The following DNAJC5 variants were observed in gnomAD, a reference collection of about 807,000 sequenced individuals.
DNAJC5 encodes the protein dnaJ homolog subfamily C member 5.
In DNAJC5, 1 loss-of-function variant was observed where a neutral mutation model predicts 23.2. The ratio of observed to expected loss-of-function variants is 0.04; its 90% CI spans 0.02 to 0.20. The LOEUF is 0.20. Among genes scored for constraint, DNAJC5 ranks in the 10% least tolerant of loss-of-function variants. The pLI is 1.00. For synonymous variants in DNAJC5, 136 were observed against 120.0 expected (o/e 1.13, Z -0.87); for missense variants, 180 against 267.0 (o/e 0.67, Z 2.27).
At chr20:63,914,860 CCCT>C (rs2053506088) in intron 1 of DNAJC5, among the ~76,000 whole-genome samples, 1 of 152,160 alleles carries the variant, frequency 6.6e-6, no homozygotes, top group Admixed American at 6.6e-5. Context: ...AGGTGATCTG[CCCT>C]CCTCGGCCTA....
intron 1 of DNAJC5, among the ~76,000 whole-genome samples, chr20:63,924,327 C>G (rs927912045): frequency 1.3e-5 from 2 of 152,118 alleles, no homozygotes; most frequent in Non-Finnish European, 2.9e-5. Context: ...GAATCTTTTT[C>G]TTATCTTTAG....
At chr20:63,924,170 A>G (rs981506388) in intron 1 of DNAJC5, among the ~76,000 whole-genome samples, 1 of 148,706 alleles carries the variant, frequency 6.7e-6, no homozygotes, top group Admixed American at 6.8e-5. Flanking sequence ...TCTGTCTGCT[A>G]CATTTCCTTA....
At chr20:63,895,466 G>C (rs1033537435) in intron 1 of DNAJC5, 143 bp downstream of exon 1, 12 of 147,344 alleles carry the variant, frequency 8.1e-5, no homozygotes, top group African/African-American at 2.9e-4. Context: ...GCGGGCGCTC[G>C]GGGCCGGAGC....
intron 1 of DNAJC5, among the ~76,000 whole-genome samples, chr20:63,922,884 A>G (rs1183340192): frequency 6.6e-6 from 1 of 152,198 alleles, no homozygotes; most frequent in Non-Finnish European, 1.5e-5. Context: ...TCATGCCTGT[A>G]ATCCCCAGCA....
intron 1 of DNAJC5, among the ~76,000 whole-genome samples, chr20:63,906,658 T>C (rs568847995): frequency 6.6e-6 from 1 of 151,192 alleles, no homozygotes; most frequent in Admixed American, 6.6e-5. Context: ...GGTGGGCGCC[T>C]GTATATAGTC....
At chr20:63,904,642 T>C (rs1461237248) in intron 1 of DNAJC5, among the ~76,000 whole-genome samples, 2 of 152,152 alleles carry the variant, frequency 1.3e-5, no homozygotes, top group Non-Finnish European at 2.9e-5. Flanking sequence ...TAGGCAAAGT[T>C]GTGCTAATGC....
Position 63,931,908 on chromosome 20 carries a change from A to C in DNAJC5, c.*340A>C. The C allele has an allele frequency of 2.6e-6, 1 of 385,584 alleles. No homozygotes were observed. Among genetic ancestry groups the C allele is most frequent in the Non-Finnish European group, 5.0e-6 (1 of 200,626 alleles). 23.9% of individuals were successfully genotyped at this position (385,584 alleles called of 1,614,324 possible). A position where few individuals can be genotyped will look rare whatever the true frequency, so the allele number is the denominator to read the frequency against. On this transcript the variant is annotated 3_prime_UTR_variant, in exon 5 of 5. Coordinates refer to ENST00000360864, the MANE Select transcript of DNAJC5 (RefSeq NM_025219.3). This position sits in a 1 kb window ranked among gnomAD's most constrained non-coding sequence, Gnocchi z 9.6. ...GGCTGTCGGTCAGGTTGGTCCAGTG[A>C]GGGGTGACTGCAGCCGGTCAGGTGG...
chr20:63,928,523 T>C lies in DNAJC5; in HGVS notation c.107+71T>C. ...ATGCCCCGTGTGGTTTAGTCTGCAT[T>C]TTACCAAGAACCATTGCACATACTT... On this transcript the variant is annotated intron_variant, in intron 2 of 4. Transcript: ENST00000360864. The surrounding 1 kb of genome is among the most constrained non-coding windows in gnomAD (Gnocchi z 4.6). 1 of 1,313,366 alleles carries C rather than the reference T, an allele frequency of 7.6e-7. No individual in the cohort carries two copies. The highest frequency in any genetic ancestry group is 1.1e-6 in the Non-Finnish European group (1 of 909,564). 81.4% of individuals were successfully genotyped at this position (1,313,366 alleles called of 1,614,324 possible).
At chr20:63,927,905 G>C (rs1176941784) in intron 1 of DNAJC5, among the ~76,000 whole-genome samples, 2 of 152,112 alleles carry the variant, frequency 1.3e-5, no homozygotes, top group African/African-American at 4.8e-5. Context: ...GTTGCTGTAA[G>C]GATTACAATA....
intron 1 of DNAJC5, among the ~76,000 whole-genome samples, chr20:63,903,687 A>T (rs1600860924): frequency 1.3e-5 from 2 of 152,150 alleles, no homozygotes. Flanking sequence ...TAGTGGTTTA[A>T]GCCTGTAATC....
At chr20:63,924,986 C>T (rs1025648276) in intron 1 of DNAJC5, among the ~76,000 whole-genome samples, 6 of 152,158 alleles carry the variant, frequency 3.9e-5, no homozygotes, top group East Asian at 1.9e-4. Flanking sequence ...GTGAGGAGGG[C>T]GGAGAAGAAC....
intron 1 of DNAJC5, among the ~76,000 whole-genome samples, chr20:63,911,398 C>CTT (rs2053482023): frequency 6.6e-6 from 1 of 152,150 alleles, no homozygotes; most frequent in Admixed American, 6.6e-5. Flanking sequence ...CTGTGGCACT[C>CTT]TGTGTGTGAG....
chr20:63,899,642 C>T (rs2053396824), intron 1 of DNAJC5, among the ~76,000 whole-genome samples: 3 of 152,002 alleles, frequency 2.0e-5, no homozygotes, highest in Admixed American at 2.0e-4. Flanking sequence ...AGTGCGGTGG[C>T]GTGACCTTGG....
intron 1 of DNAJC5, among the ~76,000 whole-genome samples, chr20:63,907,912 T>C (rs906470422): frequency 6.6e-5 from 10 of 152,150 alleles, no homozygotes; most frequent in African/African-American, 2.4e-4. Context: ...CCTACGGGCA[T>C]GTGCACCATC....
chr20:63,930,834 C>T lies in DNAJC5; in HGVS notation c.322-17C>T. The T allele has an allele frequency of 6.2e-7, 1 of 1,611,944 alleles. No homozygotes were observed. The highest frequency in any genetic ancestry group is 8.5e-7 in the Non-Finnish European group (1 of 1,179,896). Reference sequence around the variant, plus strand: ...GGGCCTCGGAGGCCATGCAACACCACCTTCTTCTCCCCCCAGGCCCTGTTT... The same window carrying T: ...GGGCCTCGGAGGCCATGCAACACCATCTTCTTCTCCCCCCAGGCCCTGTTT... On this transcript the variant is annotated splice_polypyrimidine_tract_variant and intron_variant, in intron 3 of 4. Coordinates refer to ENST00000360864, the MANE Select transcript of DNAJC5 (RefSeq NM_025219.3).
rs891858549 is a variant in DNAJC5, at chr20:63,928,796, G to T, written c.107+344G>T. ...TCCTTGTTTTAGCACAGTGATGACA[G>T]AGACCCCTCACTCTGTTGTGGCCTT... On this transcript the variant is annotated intron_variant, in intron 2 of 4. Transcript: ENST00000360864. The surrounding 1 kb of genome is among the most constrained non-coding windows in gnomAD (Gnocchi z 4.6). 6.6e-6 allele frequency among the ~76,000 whole-genome samples: 1 copy of T among 152,182 alleles called. No individual in the cohort carries two copies. Among genetic ancestry groups the T allele is most frequent in the East Asian group, 1.9e-4 (1 of 5,186 alleles).
chr20:63,912,012 A>G (rs922180943), intron 1 of DNAJC5, among the ~76,000 whole-genome samples: 4 of 152,068 alleles, frequency 2.6e-5, no homozygotes, highest in Non-Finnish European at 5.9e-5. Flanking sequence ...ATTTTAAGTT[A>G]GGAGGAAAGG....
At chr20:63,916,230 G>T (rs578238656) in intron 1 of DNAJC5, among the ~76,000 whole-genome samples, 2 of 152,354 alleles carry the variant, frequency 1.3e-5, no homozygotes, top group East Asian at 3.9e-4. Flanking sequence ...TTCCGGGCAT[G>T]AGCCATCATG....
At chr20:63,899,391 G>C (rs1364740353) in intron 1 of DNAJC5, among the ~76,000 whole-genome samples, 1 of 151,966 alleles carries the variant, frequency 6.6e-6, no homozygotes, top group Non-Finnish European at 1.5e-5. Context: ...TGTAGATTTT[G>C]TCTCTCATCA....
Sources: allele counts gnomAD v4.1 joint callset (sites outside exome capture counted in the v4.1 genomes callset), GRCh38; gene constraint gnomAD v4.1.1; non-coding constraint Gnocchi (gnomAD v3.1); transcripts MANE v1.5; gene names NCBI Gene and HGNC (gene_info 2026-07-23, HGNC 2026-07-21).